The following ARHGEF10L variants were observed in gnomAD, a reference collection of about 807,000 sequenced individuals.
ARHGEF10L encodes Rho guanine nucleotide exchange factor 10 like.
ARHGEF10L carries 69 observed loss-of-function variants against 141.2 expected under a neutral mutation model. That is an observed-to-expected ratio of 0.49 (90% CI 0.40 to 0.60). ARHGEF10L has a LOEUF of 0.60. ARHGEF10L is among the 20% of genes least tolerant of loss of function. The probability of loss-of-function intolerance (pLI) is 0.00; values close to 1 mark genes in which losing one functional copy is unlikely to be tolerated. For synonymous variants in ARHGEF10L, 711 were observed against 718.5 expected (o/e 0.99, Z 0.17); for missense variants, 1,482 against 1,734.3 (o/e 0.85, Z 2.58).
Position 17,632,389 on chromosome 1 carries a change from C to T in ARHGEF10L, c.1653C>T (p.Arg551=), listed in dbSNP as rs144584746. ...TGACGGAGACCGTGTACGGTGACCG[C>T]GGGCAGCTAATTAAGTCCAAGGAGC... The part of the protein sequence containing the change: ...ETLTETVYGD[R]GQLIKSKERR... The change falls in exon 16 of 29, where the codon CGC becomes CGT. Residue 551 remains arginine (R), a synonymous_variant. Coordinates refer to ENST00000361221, the MANE Select transcript of ARHGEF10L (RefSeq NM_018125.4). 52 of 1,614,174 alleles carry T rather than the reference C, an allele frequency of 3.2e-5. No homozygotes were observed. The highest frequency in any genetic ancestry group is 2.5e-4 in the East Asian group (11 of 44,864).
chr1:17,671,980 T>C (rs1041234801), intron 26 of ARHGEF10L, among the ~76,000 whole-genome samples: 1 of 152,214 alleles, frequency 6.6e-6, no homozygotes, highest in African/African-American at 2.4e-5. Flanking sequence ...GCAGAGCAGC[T>C]GACCGAGGCT....
At position 17,686,596 on chromosome 1, in the gene ARHGEF10L, G is replaced by C. The variant is rs528311697; in HGVS notation, c.3010-977G>C. On this transcript the variant is annotated intron_variant, in intron 26 of 28. Transcript: ENST00000361221. ...TCAGATGTTGGAGGAGGACAGTTCG[G>C]GGGGGCAGTGCGTGCTGTGTGCAAG... 2.6e-5 allele frequency among the ~76,000 whole-genome samples: 4 copies of C among 152,270 alleles called. No individual in the cohort carries two copies. In the East Asian group the frequency reaches 7.7e-4, roughly 29 times the overall value.
At chr1:17,602,042 A>G in intron 4 of ARHGEF10L, 85 bp from the exon 5 acceptor site, 5 of 1,285,654 alleles carry the variant, frequency 3.9e-6, no homozygotes, top group Non-Finnish European at 5.2e-6. Context: ...TTTGCCCATC[A>G]TGTCCCGCTG....
intron 22 of ARHGEF10L, among the ~76,000 whole-genome samples, chr1:17,650,235 T>TC (rs1341189507): frequency 6.7e-6 from 1 of 149,088 alleles, no homozygotes. Context: ...CATAGTAAGA[T>TC]CCCCATCTCT....
chr1:17,583,351 C>T (rs777216331), intron 2 of ARHGEF10L, among the ~76,000 whole-genome samples: 17 of 151,990 alleles, frequency 1.1e-4, no homozygotes, highest in Non-Finnish European at 1.2e-4. Flanking sequence ...TATGACAAGG[C>T]TGTAATCATA....
chr1:17,610,690 G>T (rs1229953038), intron 7 of ARHGEF10L, among the ~76,000 whole-genome samples: 1 of 152,206 alleles, frequency 6.6e-6, no homozygotes, highest in Non-Finnish European at 1.5e-5. Flanking sequence ...GTGTGCTGTG[G>T]GCACAAGCTG....
Position 17,621,480 on chromosome 1 carries a change from A to G in ARHGEF10L, c.943-384A>G, listed in dbSNP as rs911320266. On this transcript the variant is annotated intron_variant, in intron 10 of 28. Coordinates refer to ENST00000361221, the MANE Select transcript of ARHGEF10L (RefSeq NM_018125.4). The surrounding 1 kb of genome is among the most constrained non-coding windows in gnomAD (Gnocchi z 4.1). Reference sequence around the variant, plus strand: ...ACTCCTGACTTCAGGTGATTTGCCCATCTCTGCCTCCCAAAGTGCTGGGAT... The same window carrying G: ...ACTCCTGACTTCAGGTGATTTGCCCGTCTCTGCCTCCCAAAGTGCTGGGAT... Among the ~76,000 whole-genome samples the G allele has an allele frequency of 5.3e-5, 8 of 152,290 alleles. No homozygotes were observed. The highest frequency in any genetic ancestry group is 5.2e-4 in the Admixed American group (8 of 15,300).
chr1:17,523,419 C>T, the ARHGEF10L span, among the ~76,000 whole-genome samples: 1 of 152,058 alleles, frequency 6.6e-6, no homozygotes, highest in African/African-American at 2.4e-5. Context: ...TTATTGGGCA[C>T]CCACCGTATA....
chr1:17,642,795 C>T (rs2061397576), intron 21 of ARHGEF10L, among the ~76,000 whole-genome samples: 1 of 152,248 alleles, frequency 6.6e-6, no homozygotes, highest in South Asian at 2.1e-4. Flanking sequence ...TGTGGCTTCC[C>T]TGCCCCTTGG....
chr1:17,557,033 TAA>T (rs370811589), intron 1 of ARHGEF10L, among the ~76,000 whole-genome samples: 23 of 118,992 alleles, frequency 1.9e-4, no homozygotes, highest in Non-Finnish European at 2.3e-4. Flanking sequence ...CTCCATCTCT[TAA>T]AAAAAAAAAA....
At position 17,647,712 on chromosome 1, in the gene ARHGEF10L, C is replaced by G. The variant is rs539404540; in HGVS notation, c.2273-842C>G. On this transcript the variant is annotated intron_variant, in intron 21 of 28. Coordinates refer to ENST00000361221, the MANE Select transcript of ARHGEF10L (RefSeq NM_018125.4). The stretch of plus-strand genomic sequence containing the variant: ...TGATTTTAGATCATTATGAAGGCTG[C>G]GAGGAAAGTAAGACAGGGTCTTTAG... Among the ~76,000 whole-genome samples the G allele has an allele frequency of 2.0e-5, 3 of 151,964 alleles. No homozygotes were observed. In the South Asian group the frequency reaches 6.2e-4, roughly 32 times the overall value.
intron 4 of ARHGEF10L, among the ~76,000 whole-genome samples, chr1:17,591,789 C>T (rs2079568087): frequency 6.6e-6 from 1 of 152,188 alleles, no homozygotes; most frequent in African/African-American, 2.4e-5. Context: ...CTCAAGCAAT[C>T]CTCCTGCCTT....
rs902460873 is a variant in ARHGEF10L, at chr1:17,610,183, CA to C, written c.609+2207del. Among the ~76,000 whole-genome samples the C allele has an allele frequency of 1.1e-4, 16 of 152,262 alleles. 1 individual carries two copies. The highest frequency in any genetic ancestry group is 2.4e-5 in the African/African-American group (1 of 41,472). On this transcript the variant is annotated intron_variant, in intron 7 of 28. Transcript: ENST00000361221. The stretch of plus-strand genomic sequence containing the variant: ...ACCACATGGGTAACTGATTGAATCA[CA>C]GATGCCAGGGCCTCACCAGGGACTC...
chr1:17,568,345 C>A (rs1200644322), intron 1 of ARHGEF10L, among the ~76,000 whole-genome samples: 1 of 152,166 alleles, frequency 6.6e-6, no homozygotes, highest in African/African-American at 2.4e-5. Context: ...TTATAGTTGT[C>A]ATTGTATGGA....
At chr1:17,553,006 C>A (rs1347556128) in intron 1 of ARHGEF10L, among the ~76,000 whole-genome samples, 4 of 152,164 alleles carry the variant, frequency 2.6e-5, no homozygotes, top group Admixed American at 6.5e-5. Context: ...TTTGGGACAC[C>A]CCAGTCCCTA....
rs776329814 is a variant in ARHGEF10L, at chr1:17,696,978, CA to C, written c.3440del (p.Lys1147SerfsTer19). On this transcript the variant is annotated frameshift_variant, in exon 29 of 29. Transcript: ENST00000361221. LOFTEE classifies it high-confidence loss of function. The part of the protein sequence containing the change: ...EAEGPRAEED[K>X]PDGQAHEPMP... ...CTGAGGGGCCCCGGGCTGAGGAGGA[CA>C]AGCCAGACGGGCAGGCACACGAGCC... The C allele has an allele frequency of 6.2e-7, 1 of 1,612,086 alleles. No homozygotes were observed. The highest frequency in any genetic ancestry group is 8.5e-7 in the Non-Finnish European group (1 of 1,179,666).
chr1:17,609,276 G>T (rs2101058646), intron 7 of ARHGEF10L, among the ~76,000 whole-genome samples: 1 of 152,336 alleles, frequency 6.6e-6, no homozygotes, highest in South Asian at 2.1e-4. Flanking sequence ...CCATTCCTCA[G>T]ACCAAGATGG....
intron 22 of ARHGEF10L, among the ~76,000 whole-genome samples, chr1:17,653,209 G>A (rs996955384): frequency 1.6e-4 from 25 of 152,336 alleles, no homozygotes; most frequent in Middle Eastern, 3.4e-3. Context: ...GTACCATCCA[G>A]ATGGTAACCA....
At position 17,691,308 on chromosome 1, in the gene ARHGEF10L, G is replaced by C. The variant is rs144612118; in HGVS notation, c.3184+3561G>C. 418 of 288,476 alleles carry C rather than the reference G, an allele frequency of 1.4e-3. 2 individuals carry two copies. The highest frequency in any genetic ancestry group is 9.3e-3 in the African/African-American group (400 of 43,012). 17.9% of individuals were successfully genotyped at this position (288,476 alleles called of 1,614,324 possible). On this transcript the variant is annotated intron_variant, in intron 27 of 28. Coordinates refer to ENST00000361221, the MANE Select transcript of ARHGEF10L (RefSeq NM_018125.4). The stretch of plus-strand genomic sequence containing the variant: ...TCTTGCTCTTTTCCTTGAGGTGGAG[G>C]GGGAGGGGGAAGGCCCCAGAATGAG...
Sources: gnomAD v4.1 joint callset for allele counts (sites outside exome capture counted in the v4.1 genomes callset) on GRCh38, gnomAD v4.1.1 for gene constraint, Gnocchi (gnomAD v3.1) non-coding constraint, MANE v1.5 for transcripts, NCBI Gene and HGNC (gene_info 2026-07-23, HGNC 2026-07-21) for gene names.